Variants in NWD1 observed in about 807,000 individuals in gnomAD.
NWD1 encodes the protein NACHT and WD repeat domain containing 1.
A neutral mutation model predicts 135.1 loss-of-function variants in NWD1; 129 were observed. The ratio of observed to expected loss-of-function variants is 0.96; its 90% CI spans 0.83 to 1.11. The LOEUF is 1.11. Among genes scored for constraint, NWD1 ranks in the 50% least tolerant of loss-of-function variants. NWD1 has a pLI of 0.00. For synonymous variants in NWD1, 773 were observed against 786.0 expected (o/e 0.98, Z 0.28); for missense variants, 1,740 against 1,851.3 (o/e 0.94, Z 1.10).
At chr19:16,755,705 T>G (rs986192876) in intron 6 of NWD1, among the ~76,000 whole-genome samples, 5 of 150,812 alleles carry the variant, frequency 3.3e-5, no homozygotes, top group African/African-American at 1.2e-4. Flanking sequence ...TTTATTTATT[T>G]ATTTATTTAT....
intron 18 of NWD1, among the ~76,000 whole-genome samples, chr19:16,808,995 G>C (rs548289044): frequency 6.6e-6 from 1 of 152,242 alleles, no homozygotes; most frequent in South Asian, 2.1e-4. Flanking sequence ...GAGGCGGAAG[G>C]ATTGATTGAG....
intron 12 of NWD1, among the ~76,000 whole-genome samples, chr19:16,788,135 C>T (rs558840173): frequency 1.4e-5 from 2 of 147,992 alleles, no homozygotes; most frequent in Non-Finnish European, 3.0e-5. Flanking sequence ...GAGGCTGAAA[C>T]AGGAGAATTG....
intron 11 of NWD1, among the ~76,000 whole-genome samples, chr19:16,774,121 C>T (rs1031968696): frequency 6.6e-6 from 1 of 150,780 alleles, no homozygotes; most frequent in Non-Finnish European, 1.5e-5. Flanking sequence ...ATCTTCTCTG[C>T]CACCCTTCCA....
chr19:16,791,598 G>A lies in NWD1; in HGVS notation c.3189G>A (p.Gly1063=). 1.2e-6 allele frequency: 2 copies of A among 1,614,152 alleles called. No homozygotes were observed. The highest frequency in any genetic ancestry group is 1.1e-5 in the South Asian group (1 of 91,084). Residue 1063 remains glycine, a synonymous_variant, in exon 14 of 19, where the codon GGG becomes GGA. Transcript: ENST00000524140. ...SVQKQGKLVT[G]FSNGSISLVS... is the part of the protein sequence containing the mutation. ...AGAAGCAAGGAAAGCTTGTTACCGG[G>A]TTTAGCAATGGCTCCATCTCTTTGG...
intron 7 of NWD1, 37 bp downstream of exon 7, chr19:16,759,465 G>T: frequency 1.4e-6 from 2 of 1,479,310 alleles, no homozygotes; most frequent in Non-Finnish European, 1.8e-6. Context: ...CACTGTCTGG[G>T]TGGGACCCCA....
Position 16,807,768 on chromosome 19 carries a change from C to G in NWD1, c.3919C>G (p.Leu1307Val). The change falls in exon 18 of 19, where the codon CTG becomes GTG. Residue 1307 changes from leucine to valine, a missense_variant. Physicochemically the swap from Leu to Val is conservative, Grantham distance 32. Coordinates refer to ENST00000524140, the MANE Select transcript of NWD1 (RefSeq NM_001007525.5). ...EARKAINCMS[L>V]SKCEDRLAIA... is the part of the protein sequence containing the mutation. ...CCGGAAAGCAATCAACTGCATGTCC[C>G]TGAGCAAGTGCGAGGACCGCCTGGC... 6.2e-7 allele frequency: 1 copy of G among 1,613,780 alleles called. No individual in the cohort carries two copies. The highest frequency in any genetic ancestry group is 8.5e-7 in the Non-Finnish European group (1 of 1,179,746).
chr19:16,813,688 G>C (rs1470871113), intron 18 of NWD1, among the ~76,000 whole-genome samples: 6 of 150,674 alleles, frequency 4.0e-5, no homozygotes, highest in African/African-American at 1.2e-4. Context: ...TGTTGGCCAG[G>C]CTGGTCTTGA....
intron 6 of NWD1, among the ~76,000 whole-genome samples, chr19:16,752,101 G>C (rs1363832213): frequency 2.0e-5 from 3 of 152,162 alleles, no homozygotes; most frequent in Admixed American, 6.5e-5. Flanking sequence ...CTGCCAATTG[G>C]CAGAGACGCC....
At chr19:16,764,913 C>T in intron 9 of NWD1, 121 bp from the exon 10 acceptor site, 1 of 1,046,166 alleles carries the variant, frequency 9.6e-7, no homozygotes, top group Non-Finnish European at 1.4e-6. Context: ...GATCCTGCCC[C>T]AGTGTCACTA....
chr19:16,796,696 C>CTTT (rs112593544), intron 15 of NWD1, among the ~76,000 whole-genome samples: 12,959 of 151,776 alleles, frequency 0.085, 872 homozygotes, highest in African/African-American at 0.18. Flanking sequence ...TTCCTCTTTA[C>CTTT]TTTTCTTCCT....
In NWD1 at chr19:16,761,902, G is replaced by C. The variant is rs1599484153; in HGVS notation, c.1974-77G>C. On this transcript the variant is annotated intron_variant, in intron 7 of 18. Coordinates refer to ENST00000524140, the MANE Select transcript of NWD1 (RefSeq NM_001007525.5). Reference sequence around the variant, plus strand: ...TAGGATGGCTTGGGATTTGGGAACTGCCTCCAGGAAGACAAGCAGCCACCT... The same window carrying C: ...TAGGATGGCTTGGGATTTGGGAACTCCCTCCAGGAAGACAAGCAGCCACCT... The C allele has an allele frequency of 4.7e-6, 6 of 1,269,668 alleles. No homozygotes were observed. In the East Asian group the frequency reaches 1.4e-4, roughly 30 times the overall value. The allele number at this position is 1,269,668 out of a possible 1,614,324, so 78.7% of individuals were successfully genotyped here.
intron 12 of NWD1, among the ~76,000 whole-genome samples, chr19:16,781,614 T>C (rs180954297): frequency 6.6e-6 from 1 of 150,648 alleles, no homozygotes; most frequent in East Asian, 1.9e-4. Context: ...AGACCCTATC[T>C]CAAAAAAAAA....
intron 4 of NWD1, among the ~76,000 whole-genome samples, chr19:16,738,003 A>AAGAAAAG (rs1555717610): frequency 4.3e-5 from 6 of 138,050 alleles, no homozygotes; most frequent in African/African-American, 8.2e-5. Context: ...AAGAAAAGAA[A>AAGAAAAG]AGAAAAGAAA....
intron 5 of NWD1, among the ~76,000 whole-genome samples, chr19:16,747,561 C>T (rs754515619): frequency 6.6e-5 from 10 of 151,534 alleles, no homozygotes; most frequent in African/African-American, 1.9e-4. Flanking sequence ...TTTGTAGAGA[C>T]GGGGTTTTGC....
intron 3 of NWD1, among the ~76,000 whole-genome samples, chr19:16,733,242 C>A (rs934320202): frequency 6.6e-6 from 1 of 151,432 alleles, no homozygotes; most frequent in Non-Finnish European, 1.5e-5. Context: ...AAATCTGGGC[C>A]GGGCGAAGTG....
Position 16,759,235 on chromosome 19 carries a change from T to A in NWD1, c.1780T>A (p.Ser594Thr). The part of the protein sequence containing the change: ...GYIVSSRHGL[S>T]EAELKDVLSL... Reference sequence around the variant, plus strand: ...TGGTCCTCCCTTCAGACACGGTCTCTCGGAGGCGGAGCTGAAGGATGTTTT... The same window carrying A: ...TGGTCCTCCCTTCAGACACGGTCTCACGGAGGCGGAGCTGAAGGATGTTTT... The change falls in exon 7 of 19, where the codon TCG (serine) becomes ACG (threonine). Residue 594 changes from serine to threonine, a missense_variant. Coordinates refer to ENST00000524140, the MANE Select transcript of NWD1 (RefSeq NM_001007525.5). 1 of 1,613,802 alleles carries A rather than the reference T, an allele frequency of 6.2e-7. No individual in the cohort carries two copies. The highest frequency in any genetic ancestry group is 8.5e-7 in the Non-Finnish European group (1 of 1,179,768).
intron 2 of NWD1, among the ~76,000 whole-genome samples, chr19:16,725,349 A>G (rs1967286708): frequency 6.6e-6 from 1 of 151,104 alleles, no homozygotes; most frequent in Admixed American, 6.6e-5. Flanking sequence ...GTGATGGTGC[A>G]CACCTGTAGT....
intron 11 of NWD1, among the ~76,000 whole-genome samples, chr19:16,776,201 C>A (rs1057054820): frequency 6.6e-6 from 1 of 152,044 alleles, no homozygotes; most frequent in Non-Finnish European, 1.5e-5. Context: ...CCACTGTGCC[C>A]CGCTGTACAT....
chr19:16,768,489 C>G (rs576182794), intron 10 of NWD1, among the ~76,000 whole-genome samples: 1 of 152,064 alleles, frequency 6.6e-6, no homozygotes, highest in Admixed American at 6.6e-5. Flanking sequence ...TTTTGAGGAA[C>G]GACCACTTCA....
Sources: allele counts gnomAD v4.1 joint callset (sites outside exome capture counted in the v4.1 genomes callset), GRCh38; gene constraint gnomAD v4.1.1; transcripts MANE v1.5; gene names NCBI Gene and HGNC (gene_info 2026-07-23, HGNC 2026-07-21).